GPR149: variants seen among roughly 807,000 people sequenced by gnomAD.
The protein encoded by GPR149 is probable G protein-coupled receptor 149.
GPR149 carries 50 observed loss-of-function variants against 50.2 expected under a neutral mutation model. That is an observed-to-expected ratio of 1.00 (90% CI 0.79 to 1.26). GPR149 has a LOEUF of 1.26. Ranked by LOEUF, GPR149 falls within the 50% of genes most tolerant of loss-of-function variation. GPR149 has a pLI of 0.00. For synonymous variants in GPR149, 405 were observed against 358.2 expected, an observed-to-expected ratio of 1.13 and a Z score of -1.48; for missense variants, 983 against 895.4, an observed-to-expected ratio of 1.10 and a Z score of -1.25.
At chr3:154,409,506 T>A (rs1028564648) in intron 3 of GPR149, among the ~76,000 whole-genome samples, 1 of 152,040 alleles carries the variant, frequency 6.6e-6, no homozygotes, top group Non-Finnish European at 1.5e-5. Context: ...AGGAAAATTC[T>A]TCAGTGAAAT....
chr3:154,375,321 T>C (rs549742870), intron 3 of GPR149, among the ~76,000 whole-genome samples: 1 of 152,130 alleles, frequency 6.6e-6, no homozygotes, highest in South Asian at 2.1e-4. Context: ...TTAAGAGAGT[T>C]TTTTTCCTCT....
intron 3 of GPR149, among the ~76,000 whole-genome samples, chr3:154,361,940 A>G (rs1234982991): frequency 6.6e-6 from 1 of 152,202 alleles, no homozygotes; most frequent in Non-Finnish European, 1.5e-5. Context: ...CTACTTTGAG[A>G]AATTTTAATT....
At chr3:154,402,506 A>AGACAGTTTCAAAGATCCTT (rs1711571913) in intron 3 of GPR149, among the ~76,000 whole-genome samples, 1 of 151,112 alleles carries the variant, frequency 6.6e-6, no homozygotes, top group Admixed American at 6.6e-5. Flanking sequence ...ATCAATTCCT[A>AGACAGTTTCAAAGATCCTT]GAAAGTTTCA....
At chr3:154,407,701 C>CACACACACACACACAT (rs1270822121) in intron 3 of GPR149, among the ~76,000 whole-genome samples, 2 of 151,448 alleles carry the variant, frequency 1.3e-5, no homozygotes, top group Non-Finnish European at 2.9e-5. Context: ...TATACACACA[C>CACACACACACACACAT]ACACACACAC....
intron 3 of GPR149, among the ~76,000 whole-genome samples, chr3:154,386,931 G>C (rs1045744648): frequency 1.3e-5 from 2 of 151,498 alleles, no homozygotes; most frequent in African/African-American, 4.9e-5. Context: ...GATAAATTCA[G>C]CTTTTCTTTT....
chr3:154,429,821 T>TAAAAA lies in GPR149; in HGVS notation c.-211_-207dup. On this transcript the variant is annotated 5_prime_UTR_variant, in exon 1 of 4. The change creates a premature stop within an existing upstream ORF in the 5' untranslated region. Transcript: ENST00000389740. The stretch of plus-strand genomic sequence containing the variant: ...TAAAAATTAGGTTCCATTTCAAGCA[T>TAAAAA]AAAAAAAAAAAAACCCGAACAGATA... 9.1e-6 allele frequency: 3 copies of TAAAAA among 329,024 alleles called. No homozygotes were observed. The highest frequency in any genetic ancestry group is 4.9e-5 in the East Asian group (1 of 20,326). The allele number at this position is 329,024 out of a possible 1,614,324, so 20.4% of individuals were successfully genotyped here.
At chr3:154,371,990 G>A (rs899875847) in intron 3 of GPR149, among the ~76,000 whole-genome samples, 2 of 124,160 alleles carry the variant, frequency 1.6e-5, no homozygotes, top group Non-Finnish European at 3.5e-5. Flanking sequence ...CCCCTGGATC[G>A]ACATACTGGT....
chr3:154,354,127 T>C, intron 3 of GPR149: 2 of 502,962 alleles, frequency 4.0e-6, no homozygotes, highest in South Asian at 1.6e-5. Flanking sequence ...ATTTAGCTTC[T>C]CTTTCATTTT....
chr3:154,354,801 A>G (rs1576902527), intron 3 of GPR149: 1 of 651,830 alleles, frequency 1.5e-6, no homozygotes, highest in Non-Finnish European at 2.2e-6. Context: ...CCCAGGCATT[A>G]CTGGCCACCA....
At chr3:154,406,753 A>G (rs1243273418) in intron 3 of GPR149, among the ~76,000 whole-genome samples, 1 of 152,244 alleles carries the variant, frequency 6.6e-6, no homozygotes, top group East Asian at 1.9e-4. Flanking sequence ...GTGGTTACTT[A>G]CAGAAGGTAT....
intron 3 of GPR149, among the ~76,000 whole-genome samples, chr3:154,419,560 T>C (rs1559990631): frequency 6.6e-6 from 1 of 152,026 alleles, no homozygotes; most frequent in Admixed American, 6.6e-5. Context: ...CAATATAGTA[T>C]GTTAGAAGTA....
In GPR149 at chr3:154,429,620, C is replaced by T; in HGVS notation, c.-5G>A. ...GTTACTGAGAAATAAAGACATTGTC[C>T]TTGGTCAATATTTAATTTCCCTTAT... is the stretch of plus-strand genomic sequence containing the variant. On this transcript the variant is annotated 5_prime_UTR_variant, in exon 1 of 4. Coordinates refer to ENST00000389740, the MANE Select transcript of GPR149 (RefSeq NM_001038705.3). The T allele has an allele frequency of 2.5e-6, 4 of 1,603,820 alleles. No homozygotes were observed. The highest frequency in any genetic ancestry group is 3.4e-6 in the Non-Finnish European group (4 of 1,173,856).
At chr3:154,372,037 C>G (rs1373155583) in intron 3 of GPR149, among the ~76,000 whole-genome samples, 1 of 148,722 alleles carries the variant, frequency 6.7e-6, no homozygotes, top group Non-Finnish European at 1.5e-5. Flanking sequence ...CTGGAAGACA[C>G]CACAACTGCA....
intron 3 of GPR149, among the ~76,000 whole-genome samples, chr3:154,391,506 C>T (rs1415996670): frequency 1.3e-5 from 2 of 151,170 alleles, no homozygotes; most frequent in African/African-American, 4.9e-5. Context: ...AAACAAAATA[C>T]AGAAGAATAC....
intron 3 of GPR149, among the ~76,000 whole-genome samples, chr3:154,386,737 G>A (rs1043494769): frequency 1.3e-5 from 2 of 152,112 alleles, no homozygotes; most frequent in African/African-American, 4.8e-5. Context: ...GACAAAAAAG[G>A]AAGCAAAACC....
chr3:154,373,894 A>G (rs1343364982), intron 3 of GPR149, among the ~76,000 whole-genome samples: 1 of 152,212 alleles, frequency 6.6e-6, no homozygotes, highest in Non-Finnish European at 1.5e-5. Flanking sequence ...GGTCTGACAT[A>G]TAGTAGGCAC....
intron 3 of GPR149, among the ~76,000 whole-genome samples, chr3:154,349,319 TA>T (rs1368084539): frequency 1.3e-5 from 2 of 152,144 alleles, no homozygotes; most frequent in African/African-American, 4.8e-5. Flanking sequence ...AACAAAAAGT[TA>T]TTTTTTTAAC....
At chr3:154,417,271 G>T (rs545880211) in intron 3 of GPR149, among the ~76,000 whole-genome samples, 8 of 151,924 alleles carry the variant, frequency 5.3e-5, no homozygotes, top group South Asian at 2.1e-4. Flanking sequence ...AGAAGTAATT[G>T]TGTGGCCATG....
At position 154,337,363 on chromosome 3, in the gene GPR149, G is replaced by A. The variant is rs1032869307; in HGVS notation, c.*336C>T. Among the ~76,000 whole-genome samples the A allele has an allele frequency of 1.3e-5, 2 of 152,162 alleles. No individual in the cohort carries two copies. Among genetic ancestry groups the A allele is most frequent in the African/African-American group, 4.8e-5 (2 of 41,462 alleles). On this transcript the variant is annotated 3_prime_UTR_variant, in exon 4 of 4. Coordinates refer to ENST00000389740, the MANE Select transcript of GPR149 (RefSeq NM_001038705.3). ...TATATAGAAACATATGCATGGAACAGTATATTCACTGAGTTTATACAATTT... is the reference window on the plus strand; with the variant it reads ...TATATAGAAACATATGCATGGAACAATATATTCACTGAGTTTATACAATTT...
Sources: gnomAD v4.1 joint callset for allele counts (sites outside exome capture counted in the v4.1 genomes callset) on GRCh38, gnomAD v4.1.1 for gene constraint, MANE v1.5 for transcripts, NCBI Gene and HGNC (gene_info 2026-07-23, HGNC 2026-07-21) for gene names.